TMPRSS9: variants seen among roughly 807,000 people sequenced by gnomAD.
The protein encoded by TMPRSS9 is transmembrane protease serine 9.
In TMPRSS9, 113 loss-of-function variants were observed where a neutral mutation model predicts 111.4. The observed-to-expected ratio is 1.01, with a 90% CI of 0.87 to 1.19. The LOEUF is 1.19. TMPRSS9 is among the 50% of genes most tolerant of loss of function. TMPRSS9 has a pLI of 0.00. For synonymous variants in TMPRSS9, 805 were observed against 659.1 expected (o/e 1.22, Z -3.39); for missense variants, 1,803 against 1,513.1 (o/e 1.19, Z -3.18).
At chr19:2,423,044 C>G (rs1323748865) in intron 14 of TMPRSS9, among the ~76,000 whole-genome samples, 1 of 150,692 alleles carries the variant, frequency 6.6e-6, no homozygotes, top group Non-Finnish European at 1.5e-5. Flanking sequence ...GTGACACAGC[C>G]TGTCTCTAAA....
intron 1 of TMPRSS9, among the ~76,000 whole-genome samples, chr19:2,376,270 A>G (rs927217535): frequency 5.3e-5 from 8 of 152,072 alleles, no homozygotes; most frequent in African/African-American, 1.9e-4. Context: ...ACCTCCTCTC[A>G]TGAGAACACT....
upstream of TMPRSS9, among the ~76,000 whole-genome samples, chr19:2,387,558 G>T (rs1189131423): frequency 6.6e-6 from 1 of 150,784 alleles, no homozygotes; most frequent in African/African-American, 2.5e-5. Flanking sequence ...GGGAAAGGAA[G>T]GGAGGAAGGG....
At chr19:2,420,866 C>T (rs1487553796) in intron 13 of TMPRSS9, among the ~76,000 whole-genome samples, 18 of 151,966 alleles carry the variant, frequency 1.2e-4, no homozygotes, top group Admixed American at 5.3e-4. Context: ...ACTATTTATT[C>T]TCTATATAAA....
In TMPRSS9 at chr19:2,407,101, G is replaced by A. The variant is rs190673545; in HGVS notation, c.843-1255G>A. Among the ~76,000 whole-genome samples the A allele has an allele frequency of 2.6e-4, 40 of 151,852 alleles. 1 individual carries two copies. The South Asian group carries it at 5.2e-3, about 20-fold the overall frequency. ...ATGTGTGAGCCACTGCACCCGGCTC[G>A]ATATCATTTATCTTGATGGCTGAGA... is the stretch of plus-strand genomic sequence containing the variant. On this transcript the variant is annotated intron_variant, in intron 7 of 17. Transcript: ENST00000648592.
At chr19:2,426,154 C>A (rs1049372663) in exon 18 of TMPRSS9, 1 of 1,370,408 alleles carries the variant, frequency 7.3e-7, no homozygotes, top group South Asian at 1.4e-5. Flanking sequence ...CCACCCAACA[C>A]CCCACCCCAC....
At chr19:2,419,110 C>G (rs988088335) in intron 13 of TMPRSS9, among the ~76,000 whole-genome samples, 1 of 58,530 alleles carries the variant, frequency 1.7e-5, no homozygotes, top group Admixed American at 1.9e-4. Flanking sequence ...CTCCTTCCCT[C>G]CCTCCCTTTC....
At chr19:2,416,035 G>T (rs1179732453) in intron 11 of TMPRSS9, among the ~76,000 whole-genome samples, 194 bp downstream of exon 12, 2 of 152,168 alleles carry the variant, frequency 1.3e-5, no homozygotes, top group Non-Finnish European at 2.9e-5. Flanking sequence ...ACCAGGGGAG[G>T]GGGAGGAGGG....
rs1251862082 is a variant in TMPRSS9, at chr19:2,415,458, A to G, written c.1574-212A>G. ...CTGGGCCGCTGTATGTTTCTTTCTTAACTTCTGTCCCCGAAGCGAGGCCAC... is the reference window on the plus strand; with the variant it reads ...CTGGGCCGCTGTATGTTTCTTTCTTGACTTCTGTCCCCGAAGCGAGGCCAC... On this transcript the variant is annotated intron_variant, in intron 10 of 17. Transcript: ENST00000648592. 2.0e-5 allele frequency among the ~76,000 whole-genome samples: 3 copies of G among 151,750 alleles called. No individual in the cohort carries two copies. The East Asian group carries it at 5.8e-4, about 29-fold the overall frequency.
chr19:2,367,102 T>G (rs780625344), intron 1 of TMPRSS9, among the ~76,000 whole-genome samples: 14 of 152,058 alleles, frequency 9.2e-5, no homozygotes, highest in Non-Finnish European at 1.9e-4. Flanking sequence ...TGATCTAACC[T>G]CAGAAGCCTA....
intron 2 of TMPRSS9, among the ~76,000 whole-genome samples, chr19:2,397,406 TCAG>T (rs1970733411): frequency 6.6e-6 from 1 of 151,986 alleles, no homozygotes; most frequent in Non-Finnish European, 1.5e-5. Context: ...TTCTCCTGTC[TCAG>T]CCTCCTGAGT....
chr19:2,388,986 C>T (rs72971413), upstream of TMPRSS9, among the ~76,000 whole-genome samples: 13,063 of 151,786 alleles, frequency 0.086, 993 homozygotes, highest in African/African-American at 0.21. Flanking sequence ...GCTGTGGGAA[C>T]TTCAGACTTA....
intron 11 of TMPRSS9, 75 bp downstream of exon 12, chr19:2,415,916 G>T (rs1971221326): frequency 1.4e-6 from 2 of 1,474,284 alleles, no homozygotes; most frequent in South Asian, 2.7e-5. Flanking sequence ...AAACCATCCT[G>T]CTGGGGCTGC....
At chr19:2,407,998 G>C (rs940067388) in intron 7 of TMPRSS9, among the ~76,000 whole-genome samples, 3 of 151,990 alleles carry the variant, frequency 2.0e-5, no homozygotes, top group Admixed American at 2.0e-4. Context: ...TGGCCAGGCT[G>C]GTCTTGAATT....
chr19:2,413,143 C>T (rs1327374230), intron 9 of TMPRSS9, among the ~76,000 whole-genome samples: 3 of 151,970 alleles, frequency 2.0e-5, no homozygotes, highest in Non-Finnish European at 2.9e-5. Flanking sequence ...TGCAGTGAGC[C>T]GAGATCACGC....
chr19:2,419,393 G>T (rs1488232888), intron 13 of TMPRSS9, among the ~76,000 whole-genome samples: 2 of 151,346 alleles, frequency 1.3e-5, no homozygotes, highest in Non-Finnish European at 2.9e-5. Flanking sequence ...TAGTAGAGAC[G>T]GGGTTTCACT....
At chr19:2,400,422 A>G (rs1024796309) in intron 4 of TMPRSS9, among the ~76,000 whole-genome samples, 2 of 152,060 alleles carry the variant, frequency 1.3e-5, no homozygotes, top group Non-Finnish European at 2.9e-5. Context: ...CGTGCCTGTA[A>G]TCCCAGCTGC....
intron 1 of TMPRSS9, among the ~76,000 whole-genome samples, chr19:2,367,190 G>A (rs1970254024): frequency 6.6e-6 from 1 of 151,334 alleles, no homozygotes; most frequent in African/African-American, 2.5e-5. Flanking sequence ...GGGAAATTAG[G>A]CTCTGCTAGG....
chr19:2,371,712 A>AG (rs1205243794), intron 1 of TMPRSS9, among the ~76,000 whole-genome samples: 1 of 135,564 alleles, frequency 7.4e-6, no homozygotes, highest in African/African-American at 3.6e-5. Context: ...AACAAAACCA[A>AG]GAAAAAAAAA....
chr19:2,395,344 G>T (rs1426749676), intron 1 of TMPRSS9, among the ~76,000 whole-genome samples: 1 of 152,052 alleles, frequency 6.6e-6, no homozygotes, highest in African/African-American at 2.4e-5. Flanking sequence ...GAGGCAGGAG[G>T]ATCGCTTGAA....
Sources: allele counts gnomAD v4.1 joint callset (sites outside exome capture counted in the v4.1 genomes callset), GRCh38; gene constraint gnomAD v4.1.1; transcripts MANE v1.5; gene names NCBI Gene and HGNC (gene_info 2026-07-23, HGNC 2026-07-21).